CSMD1: variants seen among roughly 807,000 people sequenced by gnomAD.
The protein encoded by CSMD1 is CUB and Sushi multiple domains 1.
CSMD1 carries 213 observed loss-of-function variants against 417.5 expected under a neutral mutation model. The ratio of observed to expected loss-of-function variants is 0.51; its 90% CI spans 0.46 to 0.57. The LOEUF (loss-of-function observed/expected upper bound fraction) is 0.57, where lower values mean the gene tolerates loss of function less well. Ranked by LOEUF, CSMD1 falls within the 20% of genes least tolerant of loss-of-function variation. The pLI is 0.00. For synonymous variants in CSMD1, 2,862 were observed against 1,736.8 expected, an observed-to-expected ratio of 1.65 and a Z score of -16.11; for missense variants, 6,923 against 4,529.7, an observed-to-expected ratio of 1.53 and a Z score of -15.17.
At chr8:4,588,747 T>A (rs1041106407) in intron 2 of CSMD1, among the ~76,000 whole-genome samples, 30 of 149,230 alleles carry the variant, frequency 2.0e-4, no homozygotes, top group Non-Finnish European at 3.4e-4. Context: ...ATTGCACCAC[T>A]GCACTCCAGC....
At chr8:3,504,802 G>A (rs1311058118) in intron 10 of CSMD1, among the ~76,000 whole-genome samples, 1 of 152,138 alleles carries the variant, frequency 6.6e-6, no homozygotes, top group African/African-American at 2.4e-5. Flanking sequence ...GGATGCTTGA[G>A]GAGTAAGGTG....
intron 3 of CSMD1, among the ~76,000 whole-genome samples, chr8:4,052,655 C>G (rs1401729281): frequency 6.6e-6 from 1 of 152,048 alleles, no homozygotes; most frequent in Non-Finnish European, 1.5e-5. Flanking sequence ...GAAAAGAATT[C>G]TGATAGAAGG....
chr8:4,197,275 G>C (rs909422419), intron 3 of CSMD1, among the ~76,000 whole-genome samples: 2 of 152,208 alleles, frequency 1.3e-5, no homozygotes, highest in Non-Finnish European at 2.9e-5. Context: ...AAATTGAGAA[G>C]TATTAGGCAT....
intron 7 of CSMD1, among the ~76,000 whole-genome samples, chr8:3,672,460 G>A (rs753601270): frequency 5.9e-5 from 9 of 152,064 alleles, no homozygotes. Flanking sequence ...ACTTTCAAAT[G>A]TTCAAAACAC....
chr8:3,534,350 A>T (rs1798103417), intron 10 of CSMD1, among the ~76,000 whole-genome samples: 1 of 151,956 alleles, frequency 6.6e-6, no homozygotes, highest in Non-Finnish European at 1.5e-5. Flanking sequence ...CACTCCTCTC[A>T]GTTCTCTTTA....
intron 50 of CSMD1, among the ~76,000 whole-genome samples, chr8:3,044,652 C>T (rs1351673959): frequency 6.6e-6 from 1 of 151,710 alleles, no homozygotes; most frequent in Non-Finnish European, 1.5e-5. Context: ...AAAGGGACCT[C>T]AAACATCTGC....
chr8:4,310,522 A>G (rs1382778480), intron 3 of CSMD1, among the ~76,000 whole-genome samples: 1 of 90,268 alleles, frequency 1.1e-5, no homozygotes, highest in Non-Finnish European at 2.7e-5. Context: ...CACATTAAAT[A>G]AAATATCTTT....
intron 5 of CSMD1, among the ~76,000 whole-genome samples, chr8:3,953,500 G>C (rs1188152048): frequency 3.9e-5 from 6 of 152,126 alleles, no homozygotes; most frequent in Non-Finnish European, 8.8e-5. Flanking sequence ...GAGTTTGGGG[G>C]TTTCACTGGG....
intron 3 of CSMD1, among the ~76,000 whole-genome samples, chr8:4,158,559 G>C (rs1015771408): frequency 2.0e-5 from 3 of 152,118 alleles, no homozygotes; most frequent in Admixed American, 6.5e-5. Context: ...TGTGTCCTAG[G>C]TTCACTATGA....
At chr8:3,495,537 G>T (rs4493928) in intron 10 of CSMD1, among the ~76,000 whole-genome samples, 1 of 152,136 alleles carries the variant, frequency 6.6e-6, no homozygotes, top group African/African-American at 2.4e-5. Flanking sequence ...ACAATCAGCA[G>T]GTCCTGTTGT....
intron 12 of CSMD1, among the ~76,000 whole-genome samples, chr8:3,456,499 T>A (rs545203229): frequency 6.0e-4 from 91 of 152,208 alleles, no homozygotes; most frequent in Non-Finnish European, 1.2e-3. Flanking sequence ...GAAGGCCTTG[T>A]GAATGATGTC....
rs149673970 is a variant in CSMD1, at chr8:2,955,534, T to G, written c.9994+55A>C. On this transcript the variant is annotated intron_variant, in intron 64 of 69. Transcript: ENST00000635120. ...CGTGGACACTAGCCTGATGGGCAGC[T>G]GATCCTTTCCCTTGCTCTTTGGAAA... The G allele has an allele frequency of 3.6e-4, 563 of 1,574,392 alleles. 4 individuals are homozygous for G. The African/African-American group carries it at 7.1e-3, about 20-fold the overall frequency.
chr8:4,076,473 G>T (rs1036065903), intron 3 of CSMD1, among the ~76,000 whole-genome samples: 3 of 152,128 alleles, frequency 2.0e-5, no homozygotes, highest in Non-Finnish European at 4.4e-5. Flanking sequence ...GTGACAGCAG[G>T]TGATGTTTTT....
At chr8:3,614,899 A>C (rs1403177532) in intron 8 of CSMD1, among the ~76,000 whole-genome samples, 1 of 151,828 alleles carries the variant, frequency 6.6e-6, no homozygotes, top group Non-Finnish European at 1.5e-5. Flanking sequence ...AAAGGGGCAC[A>C]GAAGGAAAGG....
At chr8:3,557,920 T>A (rs1799227741) in intron 10 of CSMD1, among the ~76,000 whole-genome samples, 1 of 152,268 alleles carries the variant, frequency 6.6e-6, no homozygotes, top group East Asian at 1.9e-4. Flanking sequence ...ACTCCCTAAA[T>A]AAATAGTTTG....
intron 1 of CSMD1, among the ~76,000 whole-genome samples, chr8:4,764,111 C>T (rs1382740841): frequency 1.3e-5 from 2 of 152,304 alleles, no homozygotes; most frequent in Admixed American, 6.5e-5. Flanking sequence ...GAGAGGTAAT[C>T]TACTTTATAT....
At chr8:4,477,063 C>G (rs568372691) in intron 2 of CSMD1, among the ~76,000 whole-genome samples, 1 of 152,314 alleles carries the variant, frequency 6.6e-6, no homozygotes, top group African/African-American at 2.4e-5. Context: ...AGCCTTGCAG[C>G]TGTGTCAGGG....
At chr8:3,626,315 G>C (rs925662031) in intron 7 of CSMD1, among the ~76,000 whole-genome samples, 3 of 152,084 alleles carry the variant, frequency 2.0e-5, no homozygotes, top group African/African-American at 2.4e-5. Flanking sequence ...AAATAGTTTT[G>C]GGGGCTCACT....
intron 1 of CSMD1, among the ~76,000 whole-genome samples, chr8:4,958,703 G>C (rs1484023912): frequency 6.6e-6 from 1 of 152,108 alleles, no homozygotes; most frequent in African/African-American, 2.4e-5. Context: ...GACATAATTA[G>C]ATTTAGTGAC....
Sources: allele counts gnomAD v4.1 joint callset (sites outside exome capture counted in the v4.1 genomes callset), GRCh38; gene constraint gnomAD v4.1.1; transcripts MANE v1.5; gene names NCBI Gene and HGNC (gene_info 2026-07-23, HGNC 2026-07-21).